Variants in PPM1L observed in about 807,000 individuals in gnomAD.
PPM1L encodes the protein protein phosphatase 1L.
In PPM1L, 13 loss-of-function variants were observed where a neutral mutation model predicts 31.4. The observed-to-expected ratio is 0.41, with a 90% confidence interval of 0.27 to 0.66. The LOEUF (loss-of-function observed/expected upper bound fraction) is 0.66, where lower values mean the gene tolerates loss of function less well. Among genes scored for constraint, PPM1L ranks in the 30% least tolerant of loss-of-function variants. PPM1L has a pLI of 0.29. For synonymous variants in PPM1L, 184 were observed against 175.4 expected (o/e 1.05, Z -0.39); for missense variants, 326 against 453.7 (o/e 0.72, Z 2.56).
chr3:160,970,469 A>G (rs1270072350), intron 2 of PPM1L, among the ~76,000 whole-genome samples: 4 of 108,164 alleles, frequency 3.7e-5, no homozygotes, highest in African/African-American at 1.5e-4. Context: ...TTTTTTTTTG[A>G]GATGGAGTGT....
intron 2 of PPM1L, among the ~76,000 whole-genome samples, chr3:161,061,707 A>C (rs1477715655): frequency 6.6e-6 from 1 of 152,206 alleles, no homozygotes; most frequent in East Asian, 1.9e-4. Context: ...GCAAATACTA[A>C]GCCATTTTAT....
At chr3:160,921,126 T>C (rs575285638) in intron 1 of PPM1L, among the ~76,000 whole-genome samples, 2 of 152,294 alleles carry the variant, frequency 1.3e-5, no homozygotes, top group East Asian at 3.9e-4. Flanking sequence ...TATGTTCCTG[T>C]AAAGAATAAC....
chr3:161,001,118 A>G (rs1312100240), intron 2 of PPM1L, among the ~76,000 whole-genome samples: 1 of 152,160 alleles, frequency 6.6e-6, no homozygotes, highest in Non-Finnish European at 1.5e-5. Context: ...AACAATAATC[A>G]TTTGTTTCTG....
chr3:160,835,350 C>G (rs938176379), intron 1 of PPM1L, among the ~76,000 whole-genome samples: 7 of 151,888 alleles, frequency 4.6e-5, no homozygotes, highest in African/African-American at 1.7e-4. Flanking sequence ...TCTAAAGTGA[C>G]TCTTGCTTCC....
intron 1 of PPM1L, among the ~76,000 whole-genome samples, chr3:160,848,017 C>T (rs1025431859): frequency 2.0e-5 from 3 of 152,136 alleles, no homozygotes; most frequent in Non-Finnish European, 2.9e-5. Context: ...GCATAGAGTA[C>T]GATGGTAATG....
chr3:161,011,672 T>C (rs1211123870), intron 2 of PPM1L, among the ~76,000 whole-genome samples: 2 of 152,178 alleles, frequency 1.3e-5, no homozygotes, highest in Non-Finnish European at 2.9e-5. Flanking sequence ...TTCCATTTGT[T>C]TGTATCCTCT....
intron 1 of PPM1L, among the ~76,000 whole-genome samples, chr3:160,944,201 T>G (rs1333018732): frequency 6.6e-6 from 1 of 152,066 alleles, no homozygotes; most frequent in Non-Finnish European, 1.5e-5. Flanking sequence ...ACCATAATTA[T>G]GGATTTAGTA....
chr3:160,763,870 T>C (rs1715035125), intron 1 of PPM1L, among the ~76,000 whole-genome samples: 1 of 152,174 alleles, frequency 6.6e-6, no homozygotes, highest in Admixed American at 6.5e-5. Context: ...TGGATAACTC[T>C]TGAGGTGGTA....
At chr3:160,860,970 A>C (rs1226130820) in intron 1 of PPM1L, among the ~76,000 whole-genome samples, 1 of 152,158 alleles carries the variant, frequency 6.6e-6, no homozygotes, top group African/African-American at 2.4e-5. Context: ...TCAATATATG[A>C]ATTTTGGGGG....
intron 1 of PPM1L, among the ~76,000 whole-genome samples, chr3:160,853,856 TCAA>T (rs1400341449): frequency 6.6e-6 from 1 of 152,210 alleles, no homozygotes; most frequent in Non-Finnish European, 1.5e-5. Flanking sequence ...TTTGCAGATG[TCAA>T]CAAAATCTTT....
intron 1 of PPM1L, among the ~76,000 whole-genome samples, chr3:160,945,738 C>T (rs1279355622): frequency 1.3e-5 from 2 of 152,102 alleles, no homozygotes; most frequent in East Asian, 3.8e-4. Context: ...CTGCCTCTGT[C>T]AATCCTAAGA....
At chr3:160,786,208 T>TATATACATATATATATATATA (rs1491553702) in intron 1 of PPM1L, among the ~76,000 whole-genome samples, 1 of 30,478 alleles carries the variant, frequency 3.3e-5, no homozygotes, top group African/African-American at 3.4e-4. Flanking sequence ...TATATATATA[T>TATATACATATATATATATATA]TTTTTTTTTT....
chr3:160,986,283 G>C (rs1311347376), intron 2 of PPM1L, among the ~76,000 whole-genome samples: 1 of 152,136 alleles, frequency 6.6e-6, no homozygotes, highest in Non-Finnish European at 1.5e-5. Flanking sequence ...GGAGAATGAA[G>C]GAAGGGAACA....
chr3:160,814,705 A>ATATATATATG (rs1553808949), intron 1 of PPM1L, among the ~76,000 whole-genome samples: 1 of 146,590 alleles, frequency 6.8e-6, no homozygotes, highest in South Asian at 2.2e-4. Flanking sequence ...GTATATGTGT[A>ATATATATATG]TATATATGTG....
At chr3:161,022,005 T>C in intron 2 of PPM1L, 1 of 450,976 alleles carries the variant, frequency 2.2e-6, no homozygotes, top group Admixed American at 4.2e-5. Flanking sequence ...TTAAGGTAAT[T>C]ACCTACAAGT....
intron 2 of PPM1L, among the ~76,000 whole-genome samples, chr3:160,996,454 G>A (rs1312063038): frequency 2.6e-5 from 4 of 151,984 alleles, no homozygotes; most frequent in East Asian, 3.9e-4. Flanking sequence ...AATACTACTC[G>A]GCCATATAAA....
intron 1 of PPM1L, among the ~76,000 whole-genome samples, chr3:160,872,913 C>G (rs996168138): frequency 6.6e-6 from 1 of 151,658 alleles, no homozygotes; most frequent in Non-Finnish European, 1.5e-5. Flanking sequence ...GGCGGCACAG[C>G]GGGACTCTGT....
At chr3:161,045,521 A>G (rs1462953592) in intron 2 of PPM1L, among the ~76,000 whole-genome samples, 1 of 152,220 alleles carries the variant, frequency 6.6e-6, no homozygotes, top group Non-Finnish European at 1.5e-5. Context: ...CTGAATGACT[A>G]CTGGGTGTAT....
At chr3:160,778,288 C>T (rs1376965333) in intron 1 of PPM1L, among the ~76,000 whole-genome samples, 1 of 151,866 alleles carries the variant, frequency 6.6e-6, no homozygotes, top group Non-Finnish European at 1.5e-5. Context: ...AATCTCTTAT[C>T]AGGTAGATAA....
Sources: allele counts gnomAD v4.1 joint callset (sites outside exome capture counted in the v4.1 genomes callset), GRCh38; gene constraint gnomAD v4.1.1; transcripts MANE v1.5; gene names NCBI Gene and HGNC (gene_info 2026-07-23, HGNC 2026-07-21).